PLCH1: variants seen among roughly 807,000 people sequenced by gnomAD.
PLCH1 encodes phospholipase C eta 1.
In PLCH1, 60 loss-of-function variants were observed where a neutral mutation model predicts 126.7. That is an observed-to-expected ratio of 0.47 (90% CI 0.38 to 0.59). The LOEUF is 0.59. Ranked by LOEUF, PLCH1 falls within the 20% of genes least tolerant of loss-of-function variation. The pLI is 0.00. For missense variants in PLCH1, 1,723 were observed against 2,040.0 expected (o/e 0.84, Z 2.99); for synonymous variants, 719 against 734.9 (o/e 0.98, Z 0.35).
At chr3:155,549,408 A>C (rs1456919417) in intron 10 of PLCH1, among the ~76,000 whole-genome samples, 1 of 152,086 alleles carries the variant, frequency 6.6e-6, no homozygotes, top group Non-Finnish European at 1.5e-5. Flanking sequence ...TTGGAGCTTG[A>C]AATGGGAGAA....
chr3:155,488,002 A>G (rs2108053721), intron 21 of PLCH1, 26 bp downstream of exon 21: 1 of 1,289,244 alleles, frequency 7.8e-7, no homozygotes, highest in Non-Finnish European at 1.1e-6. Flanking sequence ...AATGTATATG[A>G]CTTTAAATCC....
chr3:155,580,753 G>A (rs776240095), intron 6 of PLCH1, among the ~76,000 whole-genome samples: 4 of 151,812 alleles, frequency 2.6e-5, no homozygotes, highest in Admixed American at 1.3e-4. Flanking sequence ...AAAAAAATAC[G>A]GCACGATAAT....
chr3:155,586,332 G>C, intron 4 of PLCH1, 138 bp from the exon 5 acceptor site: 1 of 710,622 alleles, frequency 1.4e-6, no homozygotes, highest in South Asian at 1.9e-5. Flanking sequence ...CAATCCATAG[G>C]CTCTGATGAG....
At chr3:155,489,116 T>G (rs1054575591) in intron 19 of PLCH1, among the ~76,000 whole-genome samples, 1 of 152,202 alleles carries the variant, frequency 6.6e-6, no homozygotes, top group Non-Finnish European at 1.5e-5. Flanking sequence ...AAATTATCTA[T>G]AGTAGTGATC....
intron 15 of PLCH1, among the ~76,000 whole-genome samples, chr3:155,495,409 C>T (rs2108102600): frequency 6.6e-6 from 1 of 152,240 alleles, no homozygotes; most frequent in Middle Eastern, 3.4e-3. Flanking sequence ...ACTCCTTCAC[C>T]AAGAACCCAT....
At chr3:155,743,616 C>T (rs1367484564) in intron 1 of PLCH1, 1 of 431,084 alleles carries the variant, frequency 2.3e-6, no homozygotes, top group Non-Finnish European at 4.5e-6. Flanking sequence ...CTGCAGAAGA[C>T]TTTAACCCCA....
chr3:155,531,732 AC>A (rs1445393331), intron 10 of PLCH1, among the ~76,000 whole-genome samples: 1 of 152,202 alleles, frequency 6.6e-6, no homozygotes, highest in Non-Finnish European at 1.5e-5. Context: ...TTGCTGCTTC[AC>A]CTTGCACTTT....
chr3:155,473,995 C>A (rs1713404550), intron 21 of PLCH1, among the ~76,000 whole-genome samples: 1 of 151,548 alleles, frequency 6.6e-6, no homozygotes, highest in Non-Finnish European at 1.5e-5. Flanking sequence ...CTAGGCATTA[C>A]CATTCAGGAC....
At chr3:155,543,411 A>T (rs1724692806) in intron 10 of PLCH1, among the ~76,000 whole-genome samples, 1 of 152,212 alleles carries the variant, frequency 6.6e-6, no homozygotes, top group African/African-American at 2.4e-5. Context: ...TCTACGTCTG[A>T]TTGGTGTACC....
intron 10 of PLCH1, among the ~76,000 whole-genome samples, chr3:155,544,389 A>T (rs1174788133): frequency 1.3e-5 from 2 of 152,228 alleles, no homozygotes; most frequent in Non-Finnish European, 2.9e-5. Context: ...TCATAAAGCA[A>T]GTCCTGAGTG....
chr3:155,711,351 G>A (rs951900261), intron 1 of PLCH1, among the ~76,000 whole-genome samples: 5 of 151,910 alleles, frequency 3.3e-5, no homozygotes, highest in South Asian at 2.1e-4. Flanking sequence ...TAGTTAACAC[G>A]ACCAAAATTG....
intron 2 of PLCH1, among the ~76,000 whole-genome samples, chr3:155,602,174 T>C (rs1733830474): frequency 6.6e-6 from 1 of 152,180 alleles, no homozygotes; most frequent in Non-Finnish European, 1.5e-5. Context: ...TATGAACTGA[T>C]ATGGAGTAAC....
chr3:155,592,176 A>T (rs1255418014), intron 4 of PLCH1, among the ~76,000 whole-genome samples: 12 of 32,250 alleles, frequency 3.7e-4, no homozygotes, highest in Non-Finnish European at 1.1e-3. Flanking sequence ...TTCTCTTTTA[A>T]AAAAAAAAAA....
At chr3:155,698,737 C>G (rs932884152) in intron 2 of PLCH1, among the ~76,000 whole-genome samples, 2 of 152,086 alleles carry the variant, frequency 1.3e-5, no homozygotes, top group Admixed American at 1.3e-4. Context: ...AAGTGTCACA[C>G]CTGGGTCAGG....
chr3:155,627,060 A>C lies in PLCH1; in HGVS notation c.80-30682T>G, dbSNP rs1010382162. Among the ~76,000 whole-genome samples the C allele has an allele frequency of 2.0e-5, 3 of 152,228 alleles. No individual in the cohort carries two copies. The South Asian group carries it at 6.2e-4, about 32-fold the overall frequency. ...TCATGGTTAAAAACTTAAAAGTCAA[A>C]GTAAATAATGTCACATGATATGCAA... On this transcript the variant is annotated intron_variant, in intron 2 of 22. Transcript: ENST00000460012.
Position 155,720,519 on chromosome 3 carries a change from T to C in PLCH1, c.-40-16255A>G, listed in dbSNP as rs573567986. 6.9e-4 allele frequency among the ~76,000 whole-genome samples: 105 copies of C among 152,350 alleles called. 1 individual carries two copies. In the South Asian group the frequency reaches 0.022, roughly 31 times the overall value. On this transcript the variant is annotated intron_variant, in intron 1 of 22. Coordinates refer to ENST00000460012, the MANE Select transcript of PLCH1 (RefSeq NM_014996.4). ...GTTTGTTGCCCATTTGTATATCTTC[T>C]TTTGAGAATTGTCTATTCATGTCCT...
chr3:155,555,227 G>A (rs1480317494), intron 8 of PLCH1, among the ~76,000 whole-genome samples: 1 of 152,188 alleles, frequency 6.6e-6, no homozygotes, highest in Non-Finnish European at 1.5e-5. Context: ...GCTAGAGCCT[G>A]GCTAATCATT....
intron 2 of PLCH1, among the ~76,000 whole-genome samples, chr3:155,616,771 G>C (rs1334188938): frequency 6.6e-6 from 1 of 151,924 alleles, no homozygotes; most frequent in Admixed American, 6.6e-5. Context: ...AAATAATAAA[G>C]GATTTTTGCT....
intron 1 of PLCH1, among the ~76,000 whole-genome samples, chr3:155,740,643 G>T (rs1749554329): frequency 6.6e-6 from 1 of 152,036 alleles, no homozygotes; most frequent in South Asian, 2.1e-4. Context: ...TTGAGCCCAG[G>T]AGTTCAAAAC....
Sources: gnomAD v4.1 joint callset for allele counts (sites outside exome capture counted in the v4.1 genomes callset) on GRCh38, gnomAD v4.1.1 for gene constraint, MANE v1.5 for transcripts, NCBI Gene and HGNC (gene_info 2026-07-23, HGNC 2026-07-21) for gene names.